The following FAM222A variants were observed in gnomAD, a reference collection of about 807,000 sequenced individuals.
FAM222A encodes family with sequence similarity 222 member A, also known as protein FAM222A.
A neutral mutation model predicts 25.8 loss-of-function variants in FAM222A; 7 were observed. The ratio of observed to expected loss-of-function variants is 0.27; its 90% CI spans 0.15 to 0.51. FAM222A has a LOEUF of 0.51. Among genes scored for constraint, FAM222A ranks in the 20% least tolerant of loss-of-function variants. FAM222A has a pLI of 0.97. For missense variants in FAM222A, 573 were observed against 640.5 expected, an observed-to-expected ratio of 0.89 and a Z score of 1.14; for synonymous variants, 294 against 298.8, an observed-to-expected ratio of 0.98 and a Z score of 0.17.
intron 2 of FAM222A, among the ~76,000 whole-genome samples, chr12:109,752,124 ACTCCCTGCCCT>A (rs1357237538): frequency 6.6e-6 from 1 of 151,934 alleles, no homozygotes; most frequent in East Asian, 1.9e-4. Context: ...CCCTGTCAAG[ACTCCCTGCCCT>A]CTGCTACCAG....
intron 2 of FAM222A, chr12:109,744,819 TA>T: frequency 1.0e-6 from 1 of 977,582 alleles, no homozygotes. Flanking sequence ...GGATTTCTAC[TA>T]TCTCTTGAAA....
chr12:109,750,004 G>GC (rs1179178959), intron 2 of FAM222A, among the ~76,000 whole-genome samples: 6 of 152,124 alleles, frequency 3.9e-5, no homozygotes, highest in Non-Finnish European at 8.8e-5. Context: ...CAGTCTGAAT[G>GC]CCCTTTTTTT....
intron 2 of FAM222A, chr12:109,744,488 C>A: frequency 1.0e-6 from 1 of 985,436 alleles, no homozygotes; most frequent in South Asian, 4.7e-5. Context: ...CCACCACCAT[C>A]GCCATGCCCC....
intron 1 of FAM222A, among the ~76,000 whole-genome samples, chr12:109,721,459 C>T (rs1592776976): frequency 6.6e-6 from 1 of 152,130 alleles, no homozygotes; most frequent in Non-Finnish European, 1.5e-5. Flanking sequence ...CCTTGGCAGA[C>T]ATTGCCAATC....
chr12:109,735,219 C>T (rs1196467355), intron 1 of FAM222A, among the ~76,000 whole-genome samples: 4 of 152,224 alleles, frequency 2.6e-5, no homozygotes, highest in African/African-American at 9.6e-5. Flanking sequence ...TCTTCCTCCC[C>T]GTCCCTTGGG....
chr12:109,759,397 TGG>T (rs1888825428), intron 2 of FAM222A, among the ~76,000 whole-genome samples: 1 of 152,114 alleles, frequency 6.6e-6, no homozygotes, highest in Non-Finnish European at 1.5e-5. Flanking sequence ...CGCTGCTCCA[TGG>T]TCCCTCTGGC....
chr12:109,744,292 C>T, intron 2 of FAM222A, 64 bp downstream of exon 2: 7 of 1,543,428 alleles, frequency 4.5e-6, no homozygotes, highest in South Asian at 3.6e-5. Flanking sequence ...CATTCACCCC[C>T]CAGGATGTCC....
chr12:109,719,144 C>G (rs1258213650), intron 1 of FAM222A, among the ~76,000 whole-genome samples: 1 of 152,192 alleles, frequency 6.6e-6, no homozygotes, highest in Non-Finnish European at 1.5e-5. Flanking sequence ...CTCCAGTGGT[C>G]ACAGTCAGGA....
intron 1 of FAM222A, among the ~76,000 whole-genome samples, chr12:109,728,973 TA>T (rs57626981): frequency 1.7e-4 from 25 of 147,760 alleles, no homozygotes; most frequent in East Asian, 2.0e-4. Flanking sequence ...GGGTTACAGG[TA>T]AAAAAAAAAA....
chr12:109,734,376 C>G (rs1477131185), intron 1 of FAM222A: 3 of 151,940 alleles, frequency 2.0e-5, no homozygotes, highest in Non-Finnish European at 2.9e-5. Context: ...GAGTTGCTGC[C>G]GGGACCTGCT....
rs1316152835 is a variant in FAM222A at position 109,768,706 on chromosome 12, G to A, written c.777G>A (p.Leu259=). 3.5e-5 allele frequency: 56 copies of A among 1,582,322 alleles called. No homozygotes were observed. The highest frequency in any genetic ancestry group is 4.2e-5 in the Non-Finnish European group (49 of 1,169,956). ...CCGACTGCCGGAAAGGCACTGAGCTGGGCCAGGGAGCCACCCAAGCCTTGA... is the reference window on the plus strand; with the variant it reads ...CCGACTGCCGGAAAGGCACTGAGCTAGGCCAGGGAGCCACCCAAGCCTTGA... ...GLPDCRKGTE[L]GQGATQALTL... Residue 259 remains leucine, a synonymous_variant, in exon 3 of 3, where the codon CTG becomes CTA. Coordinates refer to ENST00000538780, the MANE Select transcript of FAM222A (RefSeq NM_032829.3).
rs189572984 is a variant in FAM222A, at chr12:109,747,027, C to T, written c.82+2799C>T. ...TCCAATGAGCATTTCCTTTGAATGA[C>T]ATGTCAGCACTCAAAAAGTTACAGA... On this transcript the variant is annotated intron_variant, in intron 2 of 2. Coordinates refer to ENST00000538780, the MANE Select transcript of FAM222A (RefSeq NM_032829.3). Among the ~76,000 whole-genome samples, 4 of 152,312 alleles carry T rather than the reference C, an allele frequency of 2.6e-5. No individual in the cohort carries two copies. In the East Asian group the frequency reaches 7.7e-4, roughly 29 times the overall value.
chr12:109,744,080 C>G (rs771715635), intron 1 of FAM222A, 21 bp from the exon 2 acceptor site: 1 of 1,573,490 alleles, frequency 6.4e-7, no homozygotes, highest in Non-Finnish European at 8.6e-7. Context: ...AGTGACAGAG[C>G]ACCCCATCTT....
chr12:109,744,295 G>A, intron 2 of FAM222A, 67 bp downstream of exon 2: 5 of 1,541,376 alleles, frequency 3.2e-6, no homozygotes, highest in Non-Finnish European at 3.5e-6. Context: ...TCACCCCCCA[G>A]GATGTCCACC....
intron 1 of FAM222A, among the ~76,000 whole-genome samples, chr12:109,730,625 C>A (rs1474217175): frequency 6.6e-6 from 1 of 152,144 alleles, no homozygotes; most frequent in African/African-American, 2.4e-5. Context: ...TCTGTCTGAC[C>A]TGGGATTGGG....
chr12:109,766,740 G>A (rs1265083712), intron 2 of FAM222A, among the ~76,000 whole-genome samples: 1 of 152,230 alleles, frequency 6.6e-6, no homozygotes, highest in Non-Finnish European at 1.5e-5. Flanking sequence ...TGTGCTCTGC[G>A]GGTGGGAGTG....
chr12:109,754,742 G>A (rs1286024101), intron 2 of FAM222A, among the ~76,000 whole-genome samples: 2 of 151,342 alleles, frequency 1.3e-5, no homozygotes, highest in East Asian at 1.9e-4. Context: ...GTCATGGCTC[G>A]CTACAGCCTC....
At chr12:109,761,593 G>A (rs1888898261) in intron 2 of FAM222A, among the ~76,000 whole-genome samples, 1 of 152,176 alleles carries the variant, frequency 6.6e-6, no homozygotes, top group African/African-American at 2.4e-5. Context: ...AGCCTGCGAG[G>A]GTGTAGTAAG....
At chr12:109,726,869 G>T (rs1291754337) in intron 1 of FAM222A, among the ~76,000 whole-genome samples, 1 of 152,188 alleles carries the variant, frequency 6.6e-6, no homozygotes, top group Admixed American at 6.5e-5. Context: ...TGGCTCTGAG[G>T]TGCTGGGTGT....
Sources: gnomAD v4.1 joint callset for allele counts (sites outside exome capture counted in the v4.1 genomes callset) on GRCh38, gnomAD v4.1.1 for gene constraint, MANE v1.5 for transcripts, NCBI Gene and HGNC (gene_info 2026-07-23, HGNC 2026-07-21) for gene names.